The following LSAMP variants were observed in gnomAD, a reference collection of about 807,000 sequenced individuals.
The protein encoded by LSAMP is limbic system associated membrane protein.
In LSAMP, 7 loss-of-function variants were observed where a neutral mutation model predicts 38.6. The ratio of observed to expected loss-of-function variants is 0.18; its 90% confidence interval spans 0.10 to 0.34. The LOEUF (loss-of-function observed/expected upper bound fraction) is 0.34. Among genes scored for constraint, LSAMP ranks in the 10% least tolerant of loss-of-function variants. LSAMP has a pLI of 1.00. For missense variants in LSAMP, 313 were observed against 420.0 expected (o/e 0.75, Z 2.23); for synonymous variants, 154 against 166.8 (o/e 0.92, Z 0.59).
At chr3:115,953,076 GCTT>G (rs1378442565) in intron 3 of LSAMP, among the ~76,000 whole-genome samples, 5 of 152,118 alleles carry the variant, frequency 3.3e-5, no homozygotes, top group African/African-American at 1.2e-4. Context: ...CTGATTCAGA[GCTT>G]CTTCTCAGCC....
At chr3:116,382,492 C>G (rs776726464) in intron 1 of LSAMP, among the ~76,000 whole-genome samples, 17 of 128,844 alleles carry the variant, frequency 1.3e-4, no homozygotes, top group African/African-American at 9.0e-5. Context: ...CATCACACAC[C>G]GGGGCCTGTC....
chr3:116,278,451 A>T (rs968311116), intron 1 of LSAMP, among the ~76,000 whole-genome samples: 7 of 152,324 alleles, frequency 4.6e-5, no homozygotes, highest in Non-Finnish European at 8.8e-5. Flanking sequence ...TCTGCAAAAC[A>T]ACCAAGCAGG....
At chr3:115,869,958 A>G (rs369756868) in intron 3 of LSAMP, among the ~76,000 whole-genome samples, 8 of 152,238 alleles carry the variant, frequency 5.3e-5, no homozygotes, top group African/African-American at 1.9e-4. Context: ...GCTATGTCCC[A>G]TGAGCCAAAT....
chr3:115,974,468 A>T (rs894456786), intron 3 of LSAMP, among the ~76,000 whole-genome samples: 14 of 152,196 alleles, frequency 9.2e-5, no homozygotes, highest in African/African-American at 3.4e-4. Context: ...AGCCAGCTTG[A>T]GGGTGCACCC....
rs777169845 is a variant in LSAMP at position 116,289,668 on chromosome 3, T to C, written c.155+155209A>G. ...AAGTCAGAGTGCCTCGGTGGTAAGA[T>C]CCTATAAGTGAAATACATCATTCAA... is the stretch of plus-strand genomic sequence containing the variant. On this transcript the variant is annotated intron_variant, in intron 1 of 6. Transcript: ENST00000490035. 2.0e-5 allele frequency among the ~76,000 whole-genome samples: 3 copies of C among 152,104 alleles called. No individual in the cohort carries two copies. In the East Asian group the frequency reaches 5.8e-4, roughly 29 times the overall value.
intron 1 of LSAMP, among the ~76,000 whole-genome samples, chr3:116,255,658 T>G (rs1285288929): frequency 6.6e-6 from 1 of 152,172 alleles, no homozygotes; most frequent in Non-Finnish European, 1.5e-5. Flanking sequence ...AATTTGCTAC[T>G]CTTAAGTTAA....
intron 1 of LSAMP, among the ~76,000 whole-genome samples, chr3:116,330,570 T>G (rs1376388680): frequency 1.3e-5 from 2 of 152,026 alleles, no homozygotes. Context: ...AACCTTTTTA[T>G]TTTTCTTTTT....
At chr3:116,114,594 A>G (rs1708701693) in intron 1 of LSAMP, among the ~76,000 whole-genome samples, 1 of 152,218 alleles carries the variant, frequency 6.6e-6, no homozygotes, top group African/African-American at 2.4e-5. Context: ...AAAACCAGAC[A>G]CTTAAGAAAG....
At chr3:116,327,479 A>G (rs1191170953) in intron 1 of LSAMP, among the ~76,000 whole-genome samples, 2 of 152,008 alleles carry the variant, frequency 1.3e-5, no homozygotes, top group African/African-American at 4.8e-5. Context: ...GTTATATGAC[A>G]CTTTCATATC....
At chr3:116,345,186 C>CA (rs906615340) in intron 1 of LSAMP, among the ~76,000 whole-genome samples, 3 of 150,576 alleles carry the variant, frequency 2.0e-5, no homozygotes, top group Admixed American at 6.6e-5. Flanking sequence ...AGCCAATGTA[C>CA]AAAAAAAAGG....
intron 1 of LSAMP, among the ~76,000 whole-genome samples, chr3:116,117,327 T>C (rs1158172310): frequency 6.6e-6 from 1 of 152,182 alleles, no homozygotes; most frequent in Non-Finnish European, 1.5e-5. Context: ...TCTTTCTTTA[T>C]ATATTATTTT....
At chr3:115,847,148 T>A (rs1287114370) in intron 4 of LSAMP, among the ~76,000 whole-genome samples, 4 of 152,214 alleles carry the variant, frequency 2.6e-5, no homozygotes, top group Non-Finnish European at 4.4e-5. Context: ...GACCTGGGTT[T>A]GAGTTCCAAG....
chr3:116,116,512 C>T (rs1236027496), intron 1 of LSAMP, among the ~76,000 whole-genome samples: 8 of 140,796 alleles, frequency 5.7e-5, no homozygotes, highest in Non-Finnish European at 7.6e-5. Context: ...CTGGCTAACA[C>T]GGTGAAACCC....
chr3:115,812,724 C>T (rs959898814), intron 6 of LSAMP, among the ~76,000 whole-genome samples: 1 of 152,128 alleles, frequency 6.6e-6, no homozygotes, highest in Non-Finnish European at 1.5e-5. Flanking sequence ...GTGTTTGCAC[C>T]AGAGATAGTG....
At chr3:115,891,266 C>G (rs913810682) in intron 3 of LSAMP, among the ~76,000 whole-genome samples, 2 of 151,938 alleles carry the variant, frequency 1.3e-5, no homozygotes, top group Non-Finnish European at 2.9e-5. Context: ...CTAGGCTCAG[C>G]CTTGTGATTT....
rs191777117 is a variant in LSAMP, at chr3:116,010,068, C to G, written c.514+9447G>C. 2.2e-4 allele frequency among the ~76,000 whole-genome samples: 33 copies of G among 152,212 alleles called. No homozygotes were observed. In the East Asian group the frequency reaches 5.8e-3, roughly 27 times the overall value. ...AGTAGCTGGGACTATGGGCACACGC[C>G]ACCACACCGAGCTAATTTTTGTACT... On this transcript the variant is annotated intron_variant, in intron 3 of 6. Coordinates refer to ENST00000490035, the MANE Select transcript of LSAMP (RefSeq NM_002338.5).
intron 1 of LSAMP, among the ~76,000 whole-genome samples, chr3:116,438,130 T>C (rs1407411563): frequency 1.3e-5 from 2 of 150,764 alleles, no homozygotes; most frequent in Non-Finnish European, 3.0e-5. Context: ...GTAAGATACT[T>C]GTGACTTTAA....
Position 116,042,431 on chromosome 3 carries a change from C to CTTT in LSAMP, c.389-22794_389-22792dup, listed in dbSNP as rs1013336834. On this transcript the variant is annotated intron_variant, in intron 2 of 6. Coordinates refer to ENST00000490035, the MANE Select transcript of LSAMP (RefSeq NM_002338.5). Reference sequence around the variant, plus strand: ...TCTACCAGTCTAATAAAGAGCATTTCTTTTTTTTTTTTTTTTTGAGACAGT... The same window carrying CTTT: ...TCTACCAGTCTAATAAAGAGCATTTCTTTTTTTTTTTTTTTTTTTTGAGACAGT... Among the ~76,000 whole-genome samples the CTTT allele has an allele frequency of 4.0e-3, 533 of 134,862 alleles. 9 individuals are homozygous for CTTT. The highest frequency in any genetic ancestry group is 0.013 in the African/African-American group (486 of 36,398). The allele number at this position is 134,862 out of a possible 152,430, so 88.5% of individuals were successfully genotyped here. A position where few individuals can be genotyped will look rare whatever the true frequency, so the allele number is the denominator to read the frequency against.
intron 1 of LSAMP, among the ~76,000 whole-genome samples, chr3:116,177,329 G>T (rs956034165): frequency 1.3e-5 from 2 of 152,036 alleles, no homozygotes; most frequent in African/African-American, 4.8e-5. Flanking sequence ...AGTGACACAG[G>T]AAACTAGTCA....
Sources: allele counts gnomAD v4.1 joint callset (sites outside exome capture counted in the v4.1 genomes callset), GRCh38; gene constraint gnomAD v4.1.1; transcripts MANE v1.5; gene names NCBI Gene and HGNC (gene_info 2026-07-23, HGNC 2026-07-21).